The following SMYD3 variants were observed in gnomAD, a reference collection of about 807,000 sequenced individuals.
The protein encoded by SMYD3 is SET and MYND domain containing 3.
Under a neutral mutation model 57.7 loss-of-function variants are expected in SMYD3, and 36 were observed. That is an observed-to-expected ratio of 0.62 (90% CI 0.48 to 0.82). The LOEUF is 0.82. Among genes scored for constraint, SMYD3 ranks in the 40% least tolerant of loss-of-function variants. The pLI, the probability that SMYD3 is intolerant of heterozygous loss-of-function variation, is 0.00. For missense variants in SMYD3, 515 were observed against 538.8 expected, an observed-to-expected ratio of 0.96 and a Z score of 0.44; for synonymous variants, 211 against 195.0, an observed-to-expected ratio of 1.08 and a Z score of -0.68.
intron 2 of SMYD3, among the ~76,000 whole-genome samples, chr1:246,337,775 A>G (rs963130444): frequency 1.3e-5 from 2 of 152,218 alleles, no homozygotes; most frequent in African/African-American, 4.8e-5. Context: ...GAGATCATCC[A>G]TAACCCCTCT....
intron 1 of SMYD3, among the ~76,000 whole-genome samples, chr1:246,501,203 C>A (rs2068451156): frequency 6.6e-6 from 1 of 152,184 alleles, no homozygotes; most frequent in Non-Finnish European, 1.5e-5. Context: ...AACCCAGTAA[C>A]GTCTTTTTAC....
At chr1:246,428,018 C>T (rs1307225707) in intron 1 of SMYD3, among the ~76,000 whole-genome samples, 1 of 152,150 alleles carries the variant, frequency 6.6e-6, no homozygotes, top group Non-Finnish European at 1.5e-5. Context: ...ATCTGCTTAT[C>T]TACTCAATGA....
At chr1:245,808,097 A>T (rs2048281274) in intron 10 of SMYD3, among the ~76,000 whole-genome samples, 1 of 152,184 alleles carries the variant, frequency 6.6e-6, no homozygotes, top group South Asian at 2.1e-4. Context: ...GCAATAATAA[A>T]CTGGCTGTTC....
intron 5 of SMYD3, among the ~76,000 whole-genome samples, chr1:246,209,272 G>T (rs4443861): frequency 0.39 from 59,413 of 151,944 alleles, 12,801 homozygotes; most frequent in East Asian, 0.79. Context: ...TGAACAATTT[G>T]AAATGTAAAA....
At chr1:246,121,506 C>T (rs1056219253) in intron 5 of SMYD3, among the ~76,000 whole-genome samples, 1 of 147,776 alleles carries the variant, frequency 6.8e-6, no homozygotes, top group African/African-American at 2.5e-5. Flanking sequence ...ATGAAAGAGT[C>T]CAAAATTCAT....
intron 5 of SMYD3, among the ~76,000 whole-genome samples, chr1:246,263,347 ACC>A (rs779286953): frequency 0.14 from 16,165 of 112,468 alleles, 1,546 homozygotes; most frequent in East Asian, 0.4. Flanking sequence ...GATGTATGTG[ACC>A]TGGGCACATA....
intron 8 of SMYD3, among the ~76,000 whole-genome samples, chr1:245,888,118 G>A (rs2053186037): frequency 6.6e-6 from 1 of 152,178 alleles, no homozygotes; most frequent in Non-Finnish European, 1.5e-5. Context: ...AGCAGCTAAT[G>A]CTTCAGTCTC....
chr1:245,786,563 G>A (rs570323361), intron 10 of SMYD3, among the ~76,000 whole-genome samples: 6 of 152,054 alleles, frequency 3.9e-5, no homozygotes, highest in South Asian at 4.2e-4. Flanking sequence ...AGTCATGTAC[G>A]TTGTTAACTT....
At chr1:246,271,139 C>T (rs949583262) in intron 5 of SMYD3, among the ~76,000 whole-genome samples, 2 of 151,988 alleles carry the variant, frequency 1.3e-5, no homozygotes, top group Admixed American at 6.6e-5. Flanking sequence ...AGTCCTTTGC[C>T]CATTTTAAAA....
intron 8 of SMYD3, among the ~76,000 whole-genome samples, chr1:245,907,305 G>A (rs1039306479): frequency 2.0e-5 from 3 of 152,096 alleles, no homozygotes; most frequent in Non-Finnish European, 4.4e-5. Context: ...TTGCATCCTT[G>A]TATCAAAACA....
intron 10 of SMYD3, among the ~76,000 whole-genome samples, chr1:245,806,156 AAAGAGAAAG>A (rs1286961825): frequency 6.6e-6 from 1 of 152,224 alleles, no homozygotes; most frequent in African/African-American, 2.4e-5. Context: ...AGGATAAAAG[AAAGAGAAAG>A]AAGAGAAAGA....
chr1:246,119,401 T>C lies in SMYD3; in HGVS notation c.532-189464A>G, dbSNP rs191290310. Among the ~76,000 whole-genome samples the C allele has an allele frequency of 3.1e-3, 458 of 147,792 alleles. 1 individual carries two copies. Among genetic ancestry groups the C allele is most frequent in the Non-Finnish European group, 5.3e-3 (358 of 67,634 alleles). On this transcript the variant is annotated intron_variant, in intron 5 of 11. Transcript: ENST00000490107. The stretch of plus-strand genomic sequence containing the variant: ...CAAGCTGTAACTAAAACACTCACTC[T>C]TTTTGTTCTTTCTTTTTTTTTTTTT...
At chr1:245,826,171 A>G (rs1450958680) in intron 10 of SMYD3, among the ~76,000 whole-genome samples, 1 of 151,778 alleles carries the variant, frequency 6.6e-6, no homozygotes, top group Admixed American at 6.6e-5. Flanking sequence ...ATCTTGCAAA[A>G]CTGAAACTCT....
intron 1 of SMYD3, among the ~76,000 whole-genome samples, chr1:246,412,852 C>A (rs2066999220): frequency 1.1e-5 from 1 of 89,484 alleles, no homozygotes. Flanking sequence ...GAGTGAGACT[C>A]CGTCTCAAAA....
intron 5 of SMYD3, among the ~76,000 whole-genome samples, chr1:246,139,614 T>C (rs1558261990): frequency 6.6e-6 from 1 of 152,224 alleles, no homozygotes. Flanking sequence ...TTAACAAAAA[T>C]GAAAAATTCT....
chr1:246,167,747 G>A (rs2062245472), intron 5 of SMYD3, among the ~76,000 whole-genome samples: 1 of 152,120 alleles, frequency 6.6e-6, no homozygotes, highest in Non-Finnish European at 1.5e-5. Context: ...CTGACCTCAG[G>A]TGATCTTCCC....
At chr1:246,253,023 A>C (rs1375931165) in intron 5 of SMYD3, among the ~76,000 whole-genome samples, 4 of 152,258 alleles carry the variant, frequency 2.6e-5, no homozygotes, top group Non-Finnish European at 4.4e-5. Context: ...ATGTTATTTG[A>C]CATTTCAATT....
At chr1:246,372,796 A>C (rs958399948) in intron 1 of SMYD3, among the ~76,000 whole-genome samples, 2 of 152,200 alleles carry the variant, frequency 1.3e-5, no homozygotes, top group Non-Finnish European at 2.9e-5. Flanking sequence ...AGAGGAGAAA[A>C]TGCAGTATAA....
chr1:245,919,877 G>C (rs1449354964), intron 7 of SMYD3, among the ~76,000 whole-genome samples: 1 of 152,200 alleles, frequency 6.6e-6, no homozygotes, highest in East Asian at 1.9e-4. Context: ...AGAAAATGCA[G>C]TAAATCATTT....
Sources: gnomAD v4.1 joint callset for allele counts (sites outside exome capture counted in the v4.1 genomes callset) on GRCh38, gnomAD v4.1.1 for gene constraint, MANE v1.5 for transcripts, NCBI Gene and HGNC (gene_info 2026-07-23, HGNC 2026-07-21) for gene names.